The following GRIK2 variants were observed in gnomAD, a reference collection of about 807,000 sequenced individuals.
GRIK2 encodes the protein glutamate ionotropic receptor kainate type subunit 2.
Under a neutral mutation model 100.3 loss-of-function variants are expected in GRIK2, and 32 were observed. That is an observed-to-expected ratio of 0.32 (90% confidence interval 0.24 to 0.43). GRIK2 has a LOEUF of 0.43. Among genes scored for constraint, GRIK2 ranks in the 20% least tolerant of loss-of-function variants. GRIK2 has a pLI of 1.00. For synonymous variants in GRIK2, 417 were observed against 389.4 expected, an observed-to-expected ratio of 1.07 and a Z score of -0.83; for missense variants, 843 against 1,114.9, an observed-to-expected ratio of 0.76 and a Z score of 3.47.
At chr6:101,820,139 C>T (rs1781867793) in intron 10 of GRIK2, among the ~76,000 whole-genome samples, 1 of 152,094 alleles carries the variant, frequency 6.6e-6, no homozygotes. Context: ...ATCTCAATTT[C>T]TGAGATATAG....
In GRIK2 at chr6:102,016,700, T is replaced by C. The variant is rs149320886; in HGVS notation, c.2086-18641T>C. On this transcript the variant is annotated intron_variant, in intron 14 of 16. Transcript: ENST00000369134. ...GAATAAAAGCAACTTGGAAAATATA[T>C]TTCAAGATATGATCCATGAGAACTT... Among the ~76,000 whole-genome samples the C allele has an allele frequency of 1.1e-3, 162 of 152,104 alleles. 1 individual carries two copies. The East Asian group carries it at 0.026, about 24-fold the overall frequency.
chr6:101,841,330 G>A (rs1019634732), intron 10 of GRIK2, among the ~76,000 whole-genome samples: 1 of 151,624 alleles, frequency 6.6e-6, no homozygotes, highest in African/African-American at 2.4e-5. Flanking sequence ...ATCACTGAAT[G>A]TTTAACAAAT....
chr6:101,689,046 A>G (rs928338096), intron 7 of GRIK2, among the ~76,000 whole-genome samples: 2 of 152,036 alleles, frequency 1.3e-5, no homozygotes, highest in African/African-American at 4.8e-5. Context: ...TTACATAAGT[A>G]TTCTTTTTCT....
At chr6:101,754,383 T>TTA (rs1258373275) in intron 7 of GRIK2, among the ~76,000 whole-genome samples, 1 of 152,230 alleles carries the variant, frequency 6.6e-6, no homozygotes, top group Non-Finnish European at 1.5e-5. Flanking sequence ...ACAAAGCTAT[T>TTA]ATGTTGTAGG....
At chr6:101,999,276 A>T (rs1290865732) in intron 14 of GRIK2, among the ~76,000 whole-genome samples, 1 of 152,128 alleles carries the variant, frequency 6.6e-6, no homozygotes, top group African/African-American at 2.4e-5. Flanking sequence ...CTATAAAAAT[A>T]CTTGCTGAAA....
intron 7 of GRIK2, among the ~76,000 whole-genome samples, chr6:101,796,656 A>G (rs1217082649): frequency 6.6e-6 from 1 of 152,194 alleles, no homozygotes; most frequent in Non-Finnish European, 1.5e-5. Context: ...AAACTGGGAA[A>G]TCCAGAAGTA....
rs1464006391 is a variant in GRIK2, at chr6:102,031,117, ACACACACACACC to A, written c.2086-4222_2086-4211del. Among the ~76,000 whole-genome samples the A allele has an allele frequency of 4.1e-3, 538 of 130,834 alleles. 10 individuals are homozygous for A. The East Asian group carries it at 0.045, about 11-fold the overall frequency. 85.8% of individuals were successfully genotyped at this position (130,834 alleles called of 152,430 possible). ...CACACACACACACACACACACACAC[ACACACACACACC>A]CCCTTTGAGTTTCTGGATGTCTTTC... On this transcript the variant is annotated intron_variant, in intron 14 of 16. Transcript: ENST00000369134.
chr6:101,937,407 T>A (rs937669548), intron 14 of GRIK2, among the ~76,000 whole-genome samples: 1 of 152,122 alleles, frequency 6.6e-6, no homozygotes, highest in Non-Finnish European at 1.5e-5. Context: ...AATACAGTGA[T>A]GTTGAGCTAA....
intron 2 of GRIK2, among the ~76,000 whole-genome samples, chr6:101,469,005 G>A (rs910054712): frequency 7.2e-5 from 11 of 152,068 alleles, no homozygotes; most frequent in African/African-American, 2.4e-4. Context: ...AAGACATTGG[G>A]ACAGCATCCA....
intron 6 of GRIK2, among the ~76,000 whole-genome samples, chr6:101,685,785 A>C (rs954686819): frequency 2.7e-5 from 4 of 150,880 alleles, no homozygotes; most frequent in African/African-American, 4.9e-5. Context: ...AACACTGACA[A>C]AAAAAAAATT....
intron 3 of GRIK2, among the ~76,000 whole-genome samples, chr6:101,624,563 A>G (rs372102218): frequency 1.9e-4 from 29 of 152,292 alleles, no homozygotes; most frequent in African/African-American, 6.5e-4. Context: ...CTGAGGGAAA[A>G]TAGCAGAAAT....
chr6:101,507,512 A>G (rs1774086372), intron 2 of GRIK2, among the ~76,000 whole-genome samples: 1 of 152,172 alleles, frequency 6.6e-6, no homozygotes, highest in Non-Finnish European at 1.5e-5. Flanking sequence ...AAATTACCTA[A>G]ATCTTTAAAG....
At chr6:101,518,181 A>G (rs1774684163) in intron 2 of GRIK2, among the ~76,000 whole-genome samples, 1 of 152,182 alleles carries the variant, frequency 6.6e-6, no homozygotes, top group Non-Finnish European at 1.5e-5. Context: ...TGTTGGCAAT[A>G]AAGTTAAAAA....
intron 14 of GRIK2, among the ~76,000 whole-genome samples, chr6:101,958,462 C>G (rs1166707473): frequency 1.3e-5 from 2 of 151,958 alleles, no homozygotes; most frequent in African/African-American, 4.8e-5. Context: ...AAGATTTTAT[C>G]ATCAGTTAAC....
At chr6:101,537,252 G>T (rs1228706461) in intron 2 of GRIK2, among the ~76,000 whole-genome samples, 2 of 151,720 alleles carry the variant, frequency 1.3e-5, no homozygotes, top group Non-Finnish European at 2.9e-5. Flanking sequence ...AAAGGAAATT[G>T]TATTTTTCCC....
chr6:101,522,772 ATTGT>A (rs1774942384), intron 2 of GRIK2, among the ~76,000 whole-genome samples: 1 of 151,934 alleles, frequency 6.6e-6, no homozygotes, highest in Non-Finnish European at 1.5e-5. Flanking sequence ...ATTATAATGA[ATTGT>A]TTGTCTAACT....
chr6:101,524,599 A>T (rs1012100249), intron 2 of GRIK2, among the ~76,000 whole-genome samples: 1 of 152,166 alleles, frequency 6.6e-6, no homozygotes, highest in African/African-American at 2.4e-5. Flanking sequence ...ATGCCCAAAT[A>T]GTAGACAGTA....
At chr6:102,015,568 C>T (rs1795792614) in intron 14 of GRIK2, among the ~76,000 whole-genome samples, 1 of 152,182 alleles carries the variant, frequency 6.6e-6, no homozygotes, top group African/African-American at 2.4e-5. Context: ...ATCATACTGC[C>T]ACTGTTGCTG....
chr6:101,574,459 AT>A (rs1473145563), intron 2 of GRIK2, among the ~76,000 whole-genome samples: 5 of 150,720 alleles, frequency 3.3e-5, no homozygotes, highest in Non-Finnish European at 7.4e-5. Context: ...CTAATGTAAG[AT>A]TTTAACCCTT....
Sources: gnomAD v4.1 joint callset for allele counts (sites outside exome capture counted in the v4.1 genomes callset) on GRCh38, gnomAD v4.1.1 for gene constraint, MANE v1.5 for transcripts, NCBI Gene and HGNC (gene_info 2026-07-23, HGNC 2026-07-21) for gene names.